KDM4C: variants seen among roughly 807,000 people sequenced by gnomAD.
KDM4C encodes lysine demethylase 4C, also known as lysine-specific demethylase 4C.
In KDM4C, 81 loss-of-function variants were observed where a neutral mutation model predicts 129.3. The observed-to-expected ratio is 0.63, with a 90% CI of 0.52 to 0.75. KDM4C has a LOEUF of 0.75. Ranked by LOEUF, KDM4C falls within the 30% of genes least tolerant of loss-of-function variation. KDM4C has a pLI of 0.00. For missense variants in KDM4C, 1,457 were observed against 1,304.0 expected, an observed-to-expected ratio of 1.12 and a Z score of -1.81; for synonymous variants, 573 against 456.1, an observed-to-expected ratio of 1.26 and a Z score of -3.26.
intron 8 of KDM4C, among the ~76,000 whole-genome samples, chr9:6,969,073 C>T (rs945778973): frequency 2.0e-5 from 3 of 151,914 alleles, no homozygotes; most frequent in African/African-American, 7.3e-5. Flanking sequence ...GTACCTGGGA[C>T]CACAGGCACG....
At chr9:6,914,246 A>G (rs2131117358) in intron 8 of KDM4C, among the ~76,000 whole-genome samples, 1 of 152,128 alleles carries the variant, frequency 6.6e-6, no homozygotes, top group South Asian at 2.1e-4. Flanking sequence ...TTTTGTAGAG[A>G]CAGGGTTTCT....
chr9:6,985,010 C>T (rs1403026800), intron 10 of KDM4C, among the ~76,000 whole-genome samples: 1 of 152,034 alleles, frequency 6.6e-6, no homozygotes, highest in East Asian at 1.9e-4. Context: ...TAAGCTAATT[C>T]CTGTGTTCCT....
chr9:7,043,988 C>G (rs543698774), intron 15 of KDM4C, among the ~76,000 whole-genome samples: 17 of 151,846 alleles, frequency 1.1e-4, no homozygotes, highest in African/African-American at 3.4e-4. Context: ...GGTATACTCT[C>G]TATTGGATAT....
At chr9:7,113,137 G>C (rs1177097290) in intron 18 of KDM4C, among the ~76,000 whole-genome samples, 1 of 152,092 alleles carries the variant, frequency 6.6e-6, no homozygotes, top group Non-Finnish European at 1.5e-5. Context: ...AGAATTCTTA[G>C]CAAGGATTTA....
exon 1 of KDM4C, chr9:6,720,941 G>T: frequency 6.4e-7 from 1 of 1,551,480 alleles, no homozygotes; most frequent in Non-Finnish European, 8.7e-7. Context: ...GAGGCTAAAG[G>T]ATGTTTGATG....
intron 19 of KDM4C, among the ~76,000 whole-genome samples, chr9:7,161,280 A>G (rs1843757395): frequency 6.6e-6 from 1 of 152,142 alleles, no homozygotes; most frequent in Non-Finnish European, 1.5e-5. Flanking sequence ...GACTCCTTGT[A>G]CTTCCCAGCT....
rs1187603272 is a variant in KDM4C, at chr9:7,019,701, AT to A, written c.2259+3777del. Among the ~76,000 whole-genome samples, 318 of 104,144 alleles carry A rather than the reference AT, an allele frequency of 3.1e-3. 1 individual carries two copies. The highest frequency in any genetic ancestry group is 0.012 in the African/African-American group (247 of 20,798). The allele number at this position is 104,144 out of a possible 152,430, so 68.3% of individuals were successfully genotyped here. A position where few individuals can be genotyped will look rare whatever the true frequency, so the allele number is the denominator to read the frequency against. On this transcript the variant is annotated intron_variant, in intron 15 of 21. Transcript: ENST00000381309. ...AGAGACTATATTATAAAAATATAAT[AT>A]TTTTATATATAAAAATATAATATTT... is the stretch of plus-strand genomic sequence containing the variant.
intron 15 of KDM4C, among the ~76,000 whole-genome samples, chr9:7,039,369 G>C (rs1197533844): frequency 6.6e-6 from 1 of 151,948 alleles, no homozygotes; most frequent in Non-Finnish European, 1.5e-5. Context: ...TTATTTATAA[G>C]TCTAATTTCA....
At chr9:6,909,770 G>C (rs1818941916) in intron 8 of KDM4C, among the ~76,000 whole-genome samples, 1 of 152,024 alleles carries the variant, frequency 6.6e-6, no homozygotes, top group African/African-American at 2.4e-5. Context: ...AACAAATTTG[G>C]ATTTCTGTCC....
chr9:7,107,944 T>A (rs957361610), intron 18 of KDM4C, among the ~76,000 whole-genome samples: 1 of 152,206 alleles, frequency 6.6e-6, no homozygotes, highest in South Asian at 2.1e-4. Flanking sequence ...AAAATAATTA[T>A]CCGATGCTAG....
At chr9:7,102,641 G>C (rs1837234622) in intron 17 of KDM4C, among the ~76,000 whole-genome samples, 1 of 152,122 alleles carries the variant, frequency 6.6e-6, no homozygotes, top group Non-Finnish European at 1.5e-5. Flanking sequence ...GAAGTTAAAT[G>C]CACATTGATT....
intron 1 of KDM4C, among the ~76,000 whole-genome samples, chr9:6,771,750 G>T (rs994244595): frequency 6.6e-6 from 1 of 152,208 alleles, no homozygotes; most frequent in African/African-American, 2.4e-5. Context: ...GCTGGAAAGC[G>T]CTGGTCCAGG....
At chr9:6,814,933 G>A (rs1026304178) in intron 4 of KDM4C, 188 bp downstream of exon 4, 6 of 419,718 alleles carry the variant, frequency 1.4e-5, no homozygotes, top group African/African-American at 6.2e-5. Context: ...CTAGATAATC[G>A]TACAAATACC....
chr9:6,950,720 G>T lies in KDM4C; in HGVS notation c.922-30205G>T, dbSNP rs561293799. ...GCTGCTTATTATCATTTACATAAAAGTTGAAGTTTTCAGGGAGAGAAAGCA... is the reference window on the plus strand; with the variant it reads ...GCTGCTTATTATCATTTACATAAAATTTGAAGTTTTCAGGGAGAGAAAGCA... On this transcript the variant is annotated intron_variant, in intron 8 of 21. Coordinates refer to ENST00000381309, the MANE Select transcript of KDM4C (RefSeq NM_015061.6). Among the ~76,000 whole-genome samples, 44 of 152,288 alleles carry T rather than the reference G, an allele frequency of 2.9e-4. No individual in the cohort carries two copies. In the East Asian group the frequency reaches 7.5e-3, roughly 26 times the overall value.
At chr9:7,015,112 G>GT (rs1051668238) in intron 14 of KDM4C, among the ~76,000 whole-genome samples, 6 of 151,938 alleles carry the variant, frequency 3.9e-5, no homozygotes, top group African/African-American at 1.2e-4. Context: ...ACTGTGATAG[G>GT]TTTTTTCCTT....
At chr9:6,961,949 ATG>A (rs1404858296) in intron 8 of KDM4C, among the ~76,000 whole-genome samples, 1 of 152,224 alleles carries the variant, frequency 6.6e-6, no homozygotes, top group Admixed American at 6.5e-5. Context: ...ACTGTAGGGA[ATG>A]CCTGCTGGCC....
Position 7,055,705 on chromosome 9 carries a change from C to T in KDM4C, c.2424+6505C>T, listed in dbSNP as rs376911807. Among the ~76,000 whole-genome samples the T allele has an allele frequency of 2.1e-4, 32 of 152,246 alleles. No homozygotes were observed. The East Asian group carries it at 2.5e-3, about 12-fold the overall frequency. ...ACAATCACACTTCCTATTTCTTAGA[C>T]GAAGGCGCATGTTCTCTTGCCAACT... On this transcript the variant is annotated intron_variant, in intron 17 of 21. Coordinates refer to ENST00000381309, the MANE Select transcript of KDM4C (RefSeq NM_015061.6).
chr9:7,059,178 C>T (rs1417466471), intron 17 of KDM4C, among the ~76,000 whole-genome samples: 1 of 152,166 alleles, frequency 6.6e-6, no homozygotes, highest in Non-Finnish European at 1.5e-5. Context: ...GGAGCAGGGT[C>T]TTGCTCTGTC....
chr9:6,909,526 G>A (rs987948980), intron 8 of KDM4C, among the ~76,000 whole-genome samples: 1 of 152,104 alleles, frequency 6.6e-6, no homozygotes, highest in Non-Finnish European at 1.5e-5. Flanking sequence ...GGGTAGGTGG[G>A]TCTTTGCCAC....
Sources: allele counts gnomAD v4.1 joint callset (sites outside exome capture counted in the v4.1 genomes callset), GRCh38; gene constraint gnomAD v4.1.1; transcripts MANE v1.5; gene names NCBI Gene and HGNC (gene_info 2026-07-23, HGNC 2026-07-21).